NTM: variants seen among roughly 807,000 people sequenced by gnomAD.
NTM encodes IgLON family member 2.
Under a neutral mutation model 42.1 loss-of-function variants are expected in NTM, and 13 were observed. The observed-to-expected ratio is 0.31, with a 90% CI of 0.20 to 0.49. The LOEUF (loss-of-function observed/expected upper bound fraction) is 0.49, where lower values mean the gene tolerates loss of function less well. Among genes scored for constraint, NTM ranks in the 20% least tolerant of loss-of-function variants. The probability of loss-of-function intolerance (pLI) is 0.99; values close to 1 mark genes in which losing one functional copy is unlikely to be tolerated. For missense variants in NTM, 373 were observed against 452.8 expected (o/e 0.82, Z 1.60); for synonymous variants, 187 against 179.2 (o/e 1.04, Z -0.35).
chr11:132,248,220 T>C (rs765416283), intron 4 of NTM, among the ~76,000 whole-genome samples: 1 of 152,206 alleles, frequency 6.6e-6, no homozygotes, highest in Non-Finnish European at 1.5e-5. Context: ...ATCCTTCTCC[T>C]GGCTTGTCAC....
chr11:131,728,559 C>T (rs1010394398), intron 1 of NTM, among the ~76,000 whole-genome samples: 2 of 152,192 alleles, frequency 1.3e-5, no homozygotes, highest in Admixed American at 6.5e-5. Flanking sequence ...GGCTTCATTA[C>T]ATAGGCATGG....
intron 2 of NTM, among the ~76,000 whole-genome samples, chr11:131,975,837 A>G (rs1044511414): frequency 6.6e-6 from 1 of 152,144 alleles, no homozygotes; most frequent in Non-Finnish European, 1.5e-5. Flanking sequence ...TCATCAGGAA[A>G]GGGAAAACAT....
intron 1 of NTM, among the ~76,000 whole-genome samples, chr11:131,491,464 T>A (rs916891649): frequency 2.1e-5 from 3 of 143,244 alleles, no homozygotes; most frequent in African/African-American, 3.0e-5. Flanking sequence ...TTTAATTAAA[T>A]ACTCACATCC....
At chr11:131,416,851 G>C (rs1438873004) in intron 1 of NTM, among the ~76,000 whole-genome samples, 1 of 152,176 alleles carries the variant, frequency 6.6e-6, no homozygotes, top group Non-Finnish European at 1.5e-5. Context: ...AGAAGTGCAA[G>C]TGGAAAAAAA....
intron 1 of NTM, among the ~76,000 whole-genome samples, chr11:131,816,065 T>A (rs2092939371): frequency 6.6e-6 from 1 of 152,258 alleles, no homozygotes; most frequent in African/African-American, 2.4e-5. Flanking sequence ...TTCAGGAAGC[T>A]TTCATATTTC....
intron 2 of NTM, among the ~76,000 whole-genome samples, chr11:131,964,678 C>G (rs181585983): frequency 3.1e-4 from 47 of 152,264 alleles, no homozygotes; most frequent in Non-Finnish European, 6.0e-4. Context: ...TCCCTGTGAT[C>G]AATGGCTAGA....
intron 1 of NTM, among the ~76,000 whole-genome samples, chr11:131,396,340 G>C (rs1944550678): frequency 6.6e-6 from 1 of 152,132 alleles, no homozygotes; most frequent in Non-Finnish European, 1.5e-5. Flanking sequence ...GCCAGGCGTA[G>C]TATCAGTGTC....
At chr11:131,383,878 A>G (rs897337186) in intron 1 of NTM, among the ~76,000 whole-genome samples, 3 of 152,178 alleles carry the variant, frequency 2.0e-5, no homozygotes, top group African/African-American at 7.2e-5. Context: ...GAGCCTCCTA[A>G]GGGACGTTGC....
rs61901705 is a variant in NTM at position 131,890,193 on chromosome 11, T to A, written c.83-21371T>A. Among the ~76,000 whole-genome samples the A allele has an allele frequency of 3.1e-3, 472 of 150,242 alleles. 2 individuals are homozygous for A. The highest frequency in any genetic ancestry group is 9.3e-3 in the African/African-American group (382 of 40,886). ...CTCTCTCTCTGTCTCTCTCTCTCTC[T>A]CACACACACACACACATATCCACCT... is the stretch of plus-strand genomic sequence containing the variant. On this transcript the variant is annotated intron_variant, in intron 1 of 8. Transcript: ENST00000683400.
intron 1 of NTM, among the ~76,000 whole-genome samples, chr11:131,597,852 C>A (rs566377055): frequency 7.5e-6 from 1 of 133,212 alleles, no homozygotes; most frequent in East Asian, 2.0e-4. Context: ...AGGAAAAGTT[C>A]ACCCAGAAGA....
intron 1 of NTM, among the ~76,000 whole-genome samples, chr11:131,784,530 A>ATCTGTAGCT (rs1200536971): frequency 1.3e-5 from 2 of 152,224 alleles, no homozygotes; most frequent in African/African-American, 4.8e-5. Flanking sequence ...AATCATGTAA[A>ATCTGTAGCT]GCTCTAGAAT....
At chr11:131,647,489 G>A (rs1032765736) in intron 1 of NTM, among the ~76,000 whole-genome samples, 1 of 152,202 alleles carries the variant, frequency 6.6e-6, no homozygotes, top group Admixed American at 6.5e-5. Context: ...GGACCCTGAA[G>A]AAGGGCAAGT....
At chr11:131,503,192 G>A (rs998004998) in intron 1 of NTM, among the ~76,000 whole-genome samples, 2 of 152,190 alleles carry the variant, frequency 1.3e-5, no homozygotes, top group Admixed American at 1.3e-4. Flanking sequence ...AGGGTACAAA[G>A]GAATGAGAGC....
At chr11:131,987,128 C>T (rs753198994) in intron 2 of NTM, among the ~76,000 whole-genome samples, 6 of 152,128 alleles carry the variant, frequency 3.9e-5, no homozygotes, top group Non-Finnish European at 5.9e-5. Context: ...AATGAGGAAA[C>T]TGATGCACTA....
chr11:131,538,367 T>C (rs759190728), intron 1 of NTM: 1 of 152,104 alleles, frequency 6.6e-6, no homozygotes, highest in African/African-American at 2.4e-5. Context: ...GAGACTAGCA[T>C]TGGTGTCTGC....
chr11:132,053,192 A>G (rs2079103703), intron 2 of NTM, among the ~76,000 whole-genome samples: 2 of 152,194 alleles, frequency 1.3e-5, no homozygotes, highest in Admixed American at 6.5e-5. Flanking sequence ...TCCTTTACCA[A>G]TGAAGACACA....
intron 1 of NTM, among the ~76,000 whole-genome samples, chr11:131,724,509 A>G (rs1169471929): frequency 6.6e-6 from 1 of 152,180 alleles, no homozygotes; most frequent in Non-Finnish European, 1.5e-5. Flanking sequence ...GACAAATGCA[A>G]ATAAGAACGG....
At chr11:131,566,475 G>A (rs2056901120) in intron 1 of NTM, among the ~76,000 whole-genome samples, 1 of 151,906 alleles carries the variant, frequency 6.6e-6, no homozygotes, top group African/African-American at 2.4e-5. Flanking sequence ...ACGTGTGCTA[G>A]ATGCAAGGGG....
At position 131,585,316 on chromosome 11, in the gene NTM, C is replaced by T. The variant is rs2058755810; in HGVS notation, c.82+214428C>T. On this transcript the variant is annotated intron_variant, in intron 1 of 8. Coordinates refer to ENST00000683400, the MANE Select transcript of NTM (RefSeq NM_001352005.2). Reference sequence around the variant, plus strand: ...TCAGATCTGCTGCCTTGGCAGCCTTCCTGCCAGCTGGCCTGGCTGGGGGAA... The same window carrying T: ...TCAGATCTGCTGCCTTGGCAGCCTTTCTGCCAGCTGGCCTGGCTGGGGGAA... Among the ~76,000 whole-genome samples, 3 of 152,324 alleles carry T rather than the reference C, an allele frequency of 2.0e-5. No homozygotes were observed. The South Asian group carries it at 6.2e-4, about 32-fold the overall frequency.
Sources: allele counts gnomAD v4.1 joint callset (sites outside exome capture counted in the v4.1 genomes callset), GRCh38; gene constraint gnomAD v4.1.1; transcripts MANE v1.5; gene names NCBI Gene and HGNC (gene_info 2026-07-23, HGNC 2026-07-21).